Variants in CLNK observed in about 807,000 individuals in gnomAD.
CLNK encodes cytokine dependent hematopoietic cell linker.
CLNK carries 74 observed loss-of-function variants against 68.6 expected under a neutral mutation model. The ratio of observed to expected loss-of-function variants is 1.08; its 90% confidence interval spans 0.89 to 1.31. The LOEUF (loss-of-function observed/expected upper bound fraction) is 1.31. CLNK is among the 50% of genes most tolerant of loss of function. CLNK has a pLI of 0.00. For synonymous variants in CLNK, 198 were observed against 172.2 expected, an observed-to-expected ratio of 1.15 and a Z score of -1.17; for missense variants, 553 against 515.3, an observed-to-expected ratio of 1.07 and a Z score of -0.71.
chr4:10,578,497 C>A (rs1483162587), intron 4 of CLNK, among the ~76,000 whole-genome samples: 2 of 151,802 alleles, frequency 1.3e-5, no homozygotes, highest in African/African-American at 4.8e-5. Context: ...AACACCAACA[C>A]ATGCACTGTT....
chr4:10,710,816 G>T, the CLNK span, among the ~76,000 whole-genome samples: 5 of 152,084 alleles, frequency 3.3e-5, no homozygotes, highest in African/African-American at 1.2e-4. Flanking sequence ...CTCACACTCA[G>T]GTTCTGCCTG....
At chr4:10,734,115 T>G in the CLNK span, among the ~76,000 whole-genome samples, 3 of 152,184 alleles carry the variant, frequency 2.0e-5, no homozygotes, top group Non-Finnish European at 4.4e-5. Flanking sequence ...CTCATTTTTT[T>G]CCCTAGAACA....
chr4:10,714,574 T>C, the CLNK span, among the ~76,000 whole-genome samples: 49 of 152,328 alleles, frequency 3.2e-4, no homozygotes, highest in South Asian at 8.5e-3. Flanking sequence ...AGTTATTGTT[T>C]TGATTTAAAC....
the CLNK span, among the ~76,000 whole-genome samples, chr4:10,715,914 A>G: frequency 6.6e-6 from 1 of 152,176 alleles, no homozygotes; most frequent in Non-Finnish European, 1.5e-5. Context: ...GCTGCTTGGC[A>G]GAGAGAAAAC....
At chr4:10,701,249 A>G in the CLNK span, among the ~76,000 whole-genome samples, 3 of 152,196 alleles carry the variant, frequency 2.0e-5, no homozygotes, top group Non-Finnish European at 4.4e-5. Context: ...GGTTGCATCT[A>G]TTGCCTGTGA....
At chr4:10,639,456 C>A (rs1463645103) in intron 2 of CLNK, among the ~76,000 whole-genome samples, 2 of 152,210 alleles carry the variant, frequency 1.3e-5, no homozygotes, top group African/African-American at 4.8e-5. Flanking sequence ...AGCTTGGGAA[C>A]CAACTAATGG....
chr4:10,552,382 C>T (rs1719498107), intron 8 of CLNK, among the ~76,000 whole-genome samples: 1 of 152,180 alleles, frequency 6.6e-6, no homozygotes, highest in Admixed American at 6.5e-5. Flanking sequence ...CAGACATAAA[C>T]GATTGTCAGC....
chr4:10,706,458 ACAC>A, the CLNK span, among the ~76,000 whole-genome samples: 1 of 152,192 alleles, frequency 6.6e-6, no homozygotes, highest in East Asian at 1.9e-4. Flanking sequence ...GCCAAAATAA[ACAC>A]CACAGTTTCA....
intron 14 of CLNK, 44 bp downstream of exon 14, chr4:10,525,797 G>A (rs899656465): frequency 2.6e-6 from 3 of 1,157,932 alleles, no homozygotes; most frequent in Non-Finnish European, 2.5e-6. Context: ...CACATGGCCT[G>A]ACCCCTCAGC....
intron 3 of CLNK, 32 bp from the exon 4 acceptor site, chr4:10,584,987 C>T: frequency 6.2e-7 from 1 of 1,612,182 alleles, no homozygotes; most frequent in Non-Finnish European, 8.5e-7. Context: ...AGTTAAATGT[C>T]CATTGCTCCA....
At chr4:10,611,466 C>G (rs1722015375) in intron 2 of CLNK, among the ~76,000 whole-genome samples, 1 of 150,374 alleles carries the variant, frequency 6.7e-6, no homozygotes, top group Non-Finnish European at 1.5e-5. Context: ...CCACTGCACT[C>G]CAGCCTGGCC....
At chr4:10,515,643 T>A (rs931683239) in intron 15 of CLNK, among the ~76,000 whole-genome samples, 3 of 152,218 alleles carry the variant, frequency 2.0e-5, no homozygotes, top group Non-Finnish European at 4.4e-5. Flanking sequence ...AAATCAGACT[T>A]TGCAAGTGCA....
chr4:10,639,457 C>G (rs1723224676), intron 2 of CLNK, among the ~76,000 whole-genome samples: 2 of 152,186 alleles, frequency 1.3e-5, no homozygotes, highest in South Asian at 4.1e-4. Context: ...GCTTGGGAAC[C>G]AACTAATGGC....
intron 2 of CLNK, among the ~76,000 whole-genome samples, chr4:10,622,551 G>A (rs1722498128): frequency 6.6e-6 from 1 of 152,162 alleles, no homozygotes; most frequent in African/African-American, 2.4e-5. Context: ...CAGAAAGGGG[G>A]CACCCACACC....
the CLNK span, among the ~76,000 whole-genome samples, chr4:10,718,072 TTAAAA>T: frequency 7.8e-3 from 1,183 of 152,062 alleles, 10 homozygotes; most frequent in African/African-American, 0.02. Context: ...ATAACCAAAA[TTAAAA>T]TAAAACAAAA....
At chr4:10,699,809 C>T in the CLNK span, among the ~76,000 whole-genome samples, 1 of 151,892 alleles carries the variant, frequency 6.6e-6, no homozygotes, top group Non-Finnish European at 1.5e-5. Context: ...CCACGGCACC[C>T]CGCCACTCCA....
At chr4:10,491,016 C>T (rs1355062587) in intron 18 of CLNK, among the ~76,000 whole-genome samples, 4 of 152,192 alleles carry the variant, frequency 2.6e-5, no homozygotes, top group Non-Finnish European at 5.9e-5. Flanking sequence ...CCACCCGCCT[C>T]GGCATCCCAA....
chr4:10,580,912 G>A (rs1159387872), intron 4 of CLNK, among the ~76,000 whole-genome samples: 3 of 152,050 alleles, frequency 2.0e-5, no homozygotes, highest in Admixed American at 6.6e-5. Context: ...GTGGGTTTAC[G>A]GTGATGATCA....
At chr4:10,526,595 A>G (rs1213445833) in intron 13 of CLNK, among the ~76,000 whole-genome samples, 1 of 152,154 alleles carries the variant, frequency 6.6e-6, no homozygotes, top group Non-Finnish European at 1.5e-5. Flanking sequence ...ATTGGGGTGC[A>G]CAGCTCGTCA....
Sources: gnomAD v4.1 joint callset for allele counts (sites outside exome capture counted in the v4.1 genomes callset) on GRCh38, gnomAD v4.1.1 for gene constraint, MANE v1.5 for transcripts, NCBI Gene and HGNC (gene_info 2026-07-23, HGNC 2026-07-21) for gene names.